PDE1A: variants seen among roughly 807,000 people sequenced by gnomAD.
PDE1A encodes the protein dual specificity calcium/calmodulin-dependent 3',5'-cyclic nucleotide phosphodiesterase 1A.
A neutral mutation model predicts 61.7 loss-of-function variants in PDE1A; 35 were observed. That is an observed-to-expected ratio of 0.57 (90% CI 0.43 to 0.75). The LOEUF is 0.75. PDE1A is among the 30% of genes least tolerant of loss of function. The pLI, the probability that PDE1A is intolerant of heterozygous loss-of-function variation, is 0.00. For missense variants in PDE1A, 597 were observed against 630.6 expected, an observed-to-expected ratio of 0.95 and a Z score of 0.57; for synonymous variants, 232 against 213.2, an observed-to-expected ratio of 1.09 and a Z score of -0.77.
the PDE1A span, among the ~76,000 whole-genome samples, chr2:182,691,318 G>A: frequency 6.6e-6 from 1 of 152,150 alleles, no homozygotes; most frequent in Non-Finnish European, 1.5e-5. Flanking sequence ...CACGGTACTG[G>A]TACCAAAACA....
intron 1 of PDE1A, among the ~76,000 whole-genome samples, chr2:182,309,791 G>A (rs1174951558): frequency 6.6e-6 from 1 of 152,098 alleles, no homozygotes; most frequent in Admixed American, 6.6e-5. Flanking sequence ...GAATGTTTCT[G>A]ACACAAAGAC....
the PDE1A span, among the ~76,000 whole-genome samples, chr2:182,544,204 T>C: frequency 6.6e-6 from 1 of 152,190 alleles, no homozygotes; most frequent in Non-Finnish European, 1.5e-5. Context: ...TGACCATAAC[T>C]GGCAACCAAG....
At chr2:182,580,316 T>C in the PDE1A span, among the ~76,000 whole-genome samples, 1 of 152,176 alleles carries the variant, frequency 6.6e-6, no homozygotes, top group Non-Finnish European at 1.5e-5. Flanking sequence ...TTCTGAAGGC[T>C]AGAAATTTGA....
intron 1 of PDE1A, among the ~76,000 whole-genome samples, chr2:182,356,745 A>G (rs1336494236): frequency 6.6e-6 from 1 of 152,176 alleles, no homozygotes; most frequent in African/African-American, 2.4e-5. Context: ...AAAAATTAAA[A>G]GCACTATTCA....
exon 1 of PDE1A, chr2:182,426,620 T>C: frequency 1.2e-6 from 2 of 1,612,544 alleles, no homozygotes. Context: ...GATTGTGACA[T>C]GGTCATCCAT....
intron 2 of PDE1A, among the ~76,000 whole-genome samples, chr2:182,257,907 C>G (rs1275436349): frequency 6.6e-6 from 1 of 152,112 alleles, no homozygotes; most frequent in Non-Finnish European, 1.5e-5. Flanking sequence ...GTGGCTCACG[C>G]CTGTAATCCC....
At chr2:182,146,937 C>A, downstream of PDE1A, 1 of 479,252 alleles carries the variant, frequency 2.1e-6, no homozygotes, top group Non-Finnish European at 3.7e-6. Context: ...ATTAAAAAAA[C>A]TCTAGGAGGG....
rs373867495 is a variant in PDE1A at position 182,426,558 on chromosome 2, T to C, written c.53+20A>G. 9 of 1,538,444 alleles carry C rather than the reference T, an allele frequency of 5.9e-6. No individual in the cohort carries two copies. Among genetic ancestry groups the C allele is most frequent in the African/African-American group, 4.1e-5 (3 of 73,368 alleles). On this transcript the variant is annotated intron_variant, in intron 1 of 13. Coordinates refer to ENST00000351439, the Ensembl canonical transcript of PDE1A. ...TGTTCCTGACAGCCCTAGAGCCACC[T>C]GCGATGTAGCATTACTTACCTAAAG...
At chr2:182,560,064 C>CTT in the PDE1A span, among the ~76,000 whole-genome samples, 82 of 140,382 alleles carry the variant, frequency 5.8e-4, no homozygotes, top group East Asian at 8.4e-4. Context: ...GATAGGGATT[C>CTT]TTTTTTTTTT....
intron 2 of PDE1A, among the ~76,000 whole-genome samples, chr2:182,455,006 A>C (rs1399790580): frequency 6.6e-6 from 1 of 151,988 alleles, no homozygotes; most frequent in Non-Finnish European, 1.5e-5. Context: ...CAACCTACTC[A>C]TCTGACAAAG....
chr2:182,451,982 T>C (rs1411107111), intron 2 of PDE1A, among the ~76,000 whole-genome samples: 1 of 152,142 alleles, frequency 6.6e-6, no homozygotes, highest in Admixed American at 6.6e-5. Flanking sequence ...TTTTCTTTTT[T>C]TTTTTATCTG....
chr2:182,253,486 C>T (rs756924855), intron 2 of PDE1A, among the ~76,000 whole-genome samples: 1 of 152,092 alleles, frequency 6.6e-6, no homozygotes, highest in African/African-American at 2.4e-5. Context: ...GTAGATACAC[C>T]ACCCAGAAGC....
intron 1 of PDE1A, among the ~76,000 whole-genome samples, chr2:182,398,082 C>A (rs1186493357): frequency 6.6e-6 from 1 of 151,636 alleles, no homozygotes; most frequent in Non-Finnish European, 1.5e-5. Context: ...AAAGACATCA[C>A]TGGACACTGA....
At chr2:182,643,670 CT>C in the PDE1A span, among the ~76,000 whole-genome samples, 1 of 152,086 alleles carries the variant, frequency 6.6e-6, no homozygotes, top group South Asian at 2.1e-4. Flanking sequence ...TAGCATTGCT[CT>C]TTATCTTCAG....
the PDE1A span, among the ~76,000 whole-genome samples, chr2:182,595,358 A>T: frequency 6.6e-6 from 1 of 152,216 alleles, no homozygotes; most frequent in Non-Finnish European, 1.5e-5. Flanking sequence ...CTGATTGTCC[A>T]AAAGAAACTG....
the PDE1A span, among the ~76,000 whole-genome samples, chr2:182,534,776 C>A: frequency 1.3e-5 from 2 of 151,522 alleles, no homozygotes; most frequent in East Asian, 3.9e-4. Flanking sequence ...TATGTTACAC[C>A]TAACTTTTTA....
chr2:182,452,491 TTTG>T (rs1350891740), intron 2 of PDE1A, among the ~76,000 whole-genome samples: 1 of 151,748 alleles, frequency 6.6e-6, no homozygotes, highest in Non-Finnish European at 1.5e-5. Context: ...CCTTGAAGCT[TTTG>T]TTTTGTTTTC....
chr2:182,214,233 C>G (rs1687947168), intron 7 of PDE1A, among the ~76,000 whole-genome samples: 1 of 151,460 alleles, frequency 6.6e-6, no homozygotes, highest in Admixed American at 6.6e-5. Flanking sequence ...TTGTCACCAC[C>G]AGGCCTGCCC....
chr2:182,556,252 CCCACCAAAGAT>C, the PDE1A span, among the ~76,000 whole-genome samples: 1 of 152,030 alleles, frequency 6.6e-6, no homozygotes, highest in Non-Finnish European at 1.5e-5. Context: ...CCTAAAATTT[CCCACCAAAGAT>C]CCACCAAAGA....
Sources: gnomAD v4.1 joint callset for allele counts (sites outside exome capture counted in the v4.1 genomes callset) on GRCh38, gnomAD v4.1.1 for gene constraint, MANE v1.5 for transcripts, NCBI Gene and HGNC (gene_info 2026-07-23, HGNC 2026-07-21) for gene names.